The following LUC7L2 variants were observed in gnomAD, a reference collection of about 807,000 sequenced individuals.
LUC7L2 encodes LUC7 like 2, pre-mRNA splicing factor, also known as putative RNA-binding protein Luc7-like 2.
Under a neutral mutation model 52.8 loss-of-function variants are expected in LUC7L2, and 25 were observed. The observed-to-expected ratio is 0.47, with a 90% CI of 0.34 to 0.66. The LOEUF is 0.66. Ranked by LOEUF, LUC7L2 falls within the 30% of genes least tolerant of loss-of-function variation. LUC7L2 has a pLI of 0.01. For synonymous variants in LUC7L2, 144 were observed against 160.9 expected (o/e 0.89, Z 0.80); for missense variants, 328 against 497.8 (o/e 0.66, Z 3.25).
chr7:139,394,899 A>G (rs900903908), intron 2 of LUC7L2, among the ~76,000 whole-genome samples: 2 of 152,224 alleles, frequency 1.3e-5, no homozygotes, highest in African/African-American at 2.4e-5. Context: ...AAACTAGATC[A>G]GTGAGTGGTT....
upstream of LUC7L2, among the ~76,000 whole-genome samples, chr7:139,358,663 T>G (rs1396329508): frequency 1.3e-5 from 2 of 152,252 alleles, no homozygotes; most frequent in African/African-American, 4.8e-5. Flanking sequence ...CAACCTTTCT[T>G]CCTGCACACT....
chr7:139,398,524 C>G (rs1370367467), intron 2 of LUC7L2, 75 bp from the exon 3 acceptor site: 6 of 1,213,888 alleles, frequency 4.9e-6, no homozygotes, highest in South Asian at 1.6e-5. Flanking sequence ...TGTATTCTGA[C>G]AAGAACTGTG....
In LUC7L2 at chr7:139,376,074, G is replaced by A. The variant is rs1275315212; in HGVS notation, c.74G>A (p.Arg25His). The change falls in exon 2 of 10, where the codon CGT becomes CAT. Residue 25 changes from arginine (R) to histidine (H), a missense_variant. Coordinates refer to ENST00000354926, the MANE Select transcript of LUC7L2 (RefSeq NM_016019.5). ...TTCTATATTACAGGAGATACAACTC[G>A]TCAACGAATCAAATTCAGTGATGAC... ...MGTSRDGDTT[R>H]QRIKFSDDRV... The A allele has an allele frequency of 1.9e-6, 3 of 1,613,524 alleles. No individual in the cohort carries two copies. The highest frequency in any genetic ancestry group is 2.5e-6 in the Non-Finnish European group (3 of 1,179,866).
chr7:139,377,473 A>G (rs1481529847), intron 2 of LUC7L2, among the ~76,000 whole-genome samples: 1 of 151,114 alleles, frequency 6.6e-6, no homozygotes, highest in African/African-American at 2.4e-5. Context: ...GGCTTATTGC[A>G]GCCTCTGCCT....
intron 1 of LUC7L2, among the ~76,000 whole-genome samples, chr7:139,367,776 A>G (rs1800241110): frequency 6.6e-6 from 1 of 152,290 alleles, no homozygotes; most frequent in African/African-American, 2.4e-5. Flanking sequence ...GACCTCCAGG[A>G]TGAAATTACC....
In LUC7L2 at chr7:139,388,092, A is replaced by G. The variant is rs574254866; in HGVS notation, c.157-10507A>G. 5.9e-5 allele frequency among the ~76,000 whole-genome samples: 9 copies of G among 152,220 alleles called. No homozygotes were observed. The East Asian group carries it at 7.7e-4, about 13-fold the overall frequency. Reference sequence around the variant, plus strand: ...TATGTGATTGCCTTACCCTGTAACAATTTAGCCTCTGAACCCCAGTATAGC... The same window carrying G: ...TATGTGATTGCCTTACCCTGTAACAGTTTAGCCTCTGAACCCCAGTATAGC... On this transcript the variant is annotated intron_variant, in intron 2 of 9. Coordinates refer to ENST00000354926, the MANE Select transcript of LUC7L2 (RefSeq NM_016019.5).
Position 139,409,661 on chromosome 7 carries a change from A to C in LUC7L2, c.779+7A>C. 3.8e-6 allele frequency: 6 copies of C among 1,594,678 alleles called. No individual in the cohort carries two copies. Among genetic ancestry groups the C allele is most frequent in the Non-Finnish European group, 4.3e-6 (5 of 1,172,550 alleles). On this transcript the variant is annotated splice_region_variant and intron_variant, in intron 7 of 9. Coordinates refer to ENST00000354926, the MANE Select transcript of LUC7L2 (RefSeq NM_016019.5). ...AAAGGGAGAAGCTGAGGAGGTATGG[A>C]GTAATGGGCCAAGTAATTGAAGTTG...
At chr7:139,367,558 A>G (rs912996851) in intron 1 of LUC7L2, among the ~76,000 whole-genome samples, 2 of 152,170 alleles carry the variant, frequency 1.3e-5, no homozygotes, top group Non-Finnish European at 2.9e-5. Context: ...TGGTATTTAA[A>G]ATGTCTTGTT....
At chr7:139,350,410 T>C (rs192435876) in intron 1 of LUC7L2, among the ~76,000 whole-genome samples, 196 of 151,880 alleles carry the variant, frequency 1.3e-3, no homozygotes, top group African/African-American at 4.3e-3. Flanking sequence ...TGTGAGCCAC[T>C]GCACCCAGCC....
intron 2 of LUC7L2, among the ~76,000 whole-genome samples, chr7:139,390,428 C>T (rs1794395602): frequency 6.6e-6 from 1 of 151,746 alleles, no homozygotes; most frequent in Admixed American, 6.6e-5. Flanking sequence ...GGGGTTTCGC[C>T]ATATTGGCCA....
chr7:139,400,399 C>T (rs1057183862), intron 3 of LUC7L2, among the ~76,000 whole-genome samples: 4 of 152,152 alleles, frequency 2.6e-5, no homozygotes, highest in African/African-American at 9.7e-5. Flanking sequence ...ATCCCAGCTA[C>T]TCAGGAGGCT....
chr7:139,371,446 G>A (rs1569371600), intron 1 of LUC7L2: 1 of 1,538,514 alleles, frequency 6.5e-7, no homozygotes, highest in Non-Finnish European at 8.8e-7. Context: ...AAAATACAGG[G>A]AGCATCGGAG....
At chr7:139,359,224 A>G (rs1799724712), upstream of LUC7L2, 1 of 152,146 alleles carries the variant, frequency 6.6e-6, no homozygotes, top group Non-Finnish European at 1.5e-5. Flanking sequence ...AGTAGCTGAG[A>G]ATACGCTGAG....
chr7:139,401,780 G>T (rs1167070800), intron 3 of LUC7L2, among the ~76,000 whole-genome samples: 4 of 147,810 alleles, frequency 2.7e-5, no homozygotes, highest in Non-Finnish European at 5.9e-5. Flanking sequence ...TAATGACAGG[G>T]TCTCGCTGTG....
At chr7:139,407,380 C>G in intron 6 of LUC7L2, 30 bp downstream of exon 6, 1 of 1,584,548 alleles carries the variant, frequency 6.3e-7, no homozygotes, top group Non-Finnish European at 8.6e-7. Context: ...CTCACTTTAT[C>G]CTCTTGTTCT....
At position 139,407,244 on chromosome 7, in the gene LUC7L2, C is replaced by T; in HGVS notation, c.581C>T (p.Ser194Phe). 6.2e-7 allele frequency: 1 copy of T among 1,613,074 alleles called. No homozygotes were observed. The highest frequency in any genetic ancestry group is 8.5e-7 in the Non-Finnish European group (1 of 1,179,370). Residue 194 changes from serine to phenylalanine, a missense_variant, in exon 6 of 10, where the codon TCT (serine) becomes TTT (phenylalanine). Ser to Phe is a radical substitution (Grantham distance 155). Around this residue, in one of 2 missense-constraint regions of LUC7L2, gnomAD observed 133 missense variants for 274.4 expected, o/e 0.48. Coordinates refer to ENST00000354926, the MANE Select transcript of LUC7L2 (RefSeq NM_016019.5). The stretch of plus-strand genomic sequence containing the variant: ...AAACTTCGAGTCTGTGAAGTCTGCT[C>T]TGCCTATTTAGGACTTCATGATAAT... Reference protein sequence around the residue: ...QQKLRVCEVCSAYLGLHDNDR... With the variant: ...QQKLRVCEVCFAYLGLHDNDR...
chr7:139,374,881 T>G, intron 1 of LUC7L2: 1 of 995,022 alleles, frequency 1.0e-6, no homozygotes, highest in African/African-American at 1.7e-5. Context: ...TATTTACATG[T>G]GAAAATACAG....
intron 8 of LUC7L2, among the ~76,000 whole-genome samples, chr7:139,414,213 C>T (rs1795490757): frequency 6.6e-6 from 1 of 152,152 alleles, no homozygotes; most frequent in African/African-American, 2.4e-5. Context: ...TCACATCAGC[C>T]CTCTGATTCT....
At chr7:139,350,983 CTGTTTT>C (rs1312504438) in intron 1 of LUC7L2, among the ~76,000 whole-genome samples, 1 of 152,010 alleles carries the variant, frequency 6.6e-6, no homozygotes, top group Non-Finnish European at 1.5e-5. Flanking sequence ...CCACATTCTT[CTGTTTT>C]TTTCTTACTC....
Sources: allele counts gnomAD v4.1 joint callset (sites outside exome capture counted in the v4.1 genomes callset), GRCh38; gene constraint gnomAD v4.1.1; regional missense constraint gnomAD v4.1.1; transcripts MANE v1.5; gene names NCBI Gene and HGNC (gene_info 2026-07-23, HGNC 2026-07-21).